The following MYO1H variants were observed in gnomAD, a reference collection of about 807,000 sequenced individuals.
MYO1H encodes the protein unconventional myosin-Ih.
MYO1H carries 118 observed loss-of-function variants against 149.3 expected under a neutral mutation model. That is an observed-to-expected ratio of 0.79 (90% CI 0.68 to 0.92). The LOEUF (loss-of-function observed/expected upper bound fraction) is 0.92, where lower values mean the gene tolerates loss of function less well. MYO1H is among the 40% of genes least tolerant of loss of function. The probability of loss-of-function intolerance (pLI) is 0.00; values close to 1 mark genes in which losing one functional copy is unlikely to be tolerated. For missense variants in MYO1H, 1,212 were observed against 1,280.7 expected (o/e 0.95, Z 0.82); for synonymous variants, 447 against 465.2 (o/e 0.96, Z 0.50).
the MYO1H span, among the ~76,000 whole-genome samples, chr12:109,326,477 C>CT: frequency 2.7e-5 from 4 of 145,946 alleles, no homozygotes; most frequent in Admixed American, 6.8e-5. Flanking sequence ...TAGACTCTAC[C>CT]TTTTTTTTAT....
chr12:109,398,727 G>A (rs1173723299), intron 5 of MYO1H, among the ~76,000 whole-genome samples: 11 of 125,358 alleles, frequency 8.8e-5, no homozygotes, highest in Non-Finnish European at 1.6e-4. Context: ...GGCAACAAGA[G>A]CGAAACTTCC....
At chr12:109,445,674 T>C (rs987573437) in intron 31 of MYO1H, 62 bp downstream of exon 31, 27 of 1,557,286 alleles carry the variant, frequency 1.7e-5, no homozygotes, top group Non-Finnish European at 2.2e-5. Flanking sequence ...GTTAAAGTTC[T>C]ACCAATTTCA....
chr12:109,390,739 C>T (rs1258915617), intron 2 of MYO1H, among the ~76,000 whole-genome samples: 1 of 151,758 alleles, frequency 6.6e-6, no homozygotes, highest in Non-Finnish European at 1.5e-5. Context: ...GATCTTGGCT[C>T]ACTGCAACCT....
intron 1 of MYO1H, among the ~76,000 whole-genome samples, chr12:109,368,517 G>A (rs1412278873): frequency 6.6e-6 from 1 of 152,052 alleles, no homozygotes; most frequent in Non-Finnish European, 1.5e-5. Flanking sequence ...TTAGCCAGGT[G>A]CAGTGGCACA....
chr12:109,341,189 GAAAA>G, the MYO1H span, among the ~76,000 whole-genome samples: 6 of 96,106 alleles, frequency 6.2e-5, no homozygotes, highest in Non-Finnish European at 1.3e-4. Context: ...ACTCCATCTC[GAAAA>G]AAAAAAAAAA....
At chr12:109,318,192 T>A in the MYO1H span, among the ~76,000 whole-genome samples, 1 of 152,306 alleles carries the variant, frequency 6.6e-6, no homozygotes, top group African/African-American at 2.4e-5. Flanking sequence ...AAGAAATATT[T>A]ACATGGAGGA....
the MYO1H span, among the ~76,000 whole-genome samples, chr12:109,329,563 C>T: frequency 2.6e-5 from 4 of 152,256 alleles, no homozygotes; most frequent in Admixed American, 6.5e-5. Context: ...CCTTTTGTTA[C>T]TTCTTATGCT....
the MYO1H span, among the ~76,000 whole-genome samples, chr12:109,342,126 C>CTTTTTTTT: frequency 1.6e-5 from 2 of 126,052 alleles, no homozygotes; most frequent in Non-Finnish European, 1.6e-5. Context: ...AAATTTGATT[C>CTTTTTTTT]TTTTTTTTTT....
chr12:109,428,723 C>T (rs10850135), intron 19 of MYO1H, among the ~76,000 whole-genome samples: 2 of 152,000 alleles, frequency 1.3e-5, no homozygotes, highest in South Asian at 4.1e-4. Flanking sequence ...TTTGCCCATC[C>T]GCTACTTATT....
chr12:109,378,617 C>T (rs562549963), intron 1 of MYO1H, among the ~76,000 whole-genome samples: 2 of 152,324 alleles, frequency 1.3e-5, no homozygotes, highest in South Asian at 2.1e-4. Flanking sequence ...CTGTGCCCGA[C>T]CTGCACCATT....
intron 1 of MYO1H, among the ~76,000 whole-genome samples, chr12:109,352,215 T>C (rs372805934): frequency 3.8e-4 from 58 of 152,310 alleles, no homozygotes; most frequent in African/African-American, 1.3e-3. Context: ...TAAATGACCA[T>C]TGTAGAAAGG....
intron 15 of MYO1H, among the ~76,000 whole-genome samples, chr12:109,418,573 G>C (rs569860745): frequency 6.6e-6 from 1 of 151,572 alleles, no homozygotes; most frequent in African/African-American, 2.4e-5. Flanking sequence ...TTTTTTAGAC[G>C]GAGTCTCGCC....
At chr12:109,398,700 C>T (rs1045608640) in intron 5 of MYO1H, among the ~76,000 whole-genome samples, 1 of 141,310 alleles carries the variant, frequency 7.1e-6, no homozygotes, top group African/African-American at 2.6e-5. Context: ...CAGTTGGCAC[C>T]ACTGCACTCC....
intron 29 of MYO1H, 50 bp downstream of exon 29, chr12:109,444,333 C>T (rs776665413): frequency 2.5e-6 from 4 of 1,581,868 alleles, no homozygotes; most frequent in Non-Finnish European, 1.7e-6. Flanking sequence ...AATACACTGC[C>T]AAAATGTTAA....
the MYO1H span, among the ~76,000 whole-genome samples, chr12:109,318,959 C>CATTTTTTTT: frequency 1.5e-4 from 3 of 20,462 alleles, no homozygotes; most frequent in African/African-American, 5.9e-4. Flanking sequence ...GAACTCTCTG[C>CATTTTTTTT]GTTTTTGGTT....
intron 1 of MYO1H, among the ~76,000 whole-genome samples, chr12:109,386,719 T>C (rs1201540714): frequency 6.6e-6 from 1 of 152,220 alleles, no homozygotes; most frequent in African/African-American, 2.4e-5. Flanking sequence ...GTAGGTGTCT[T>C]TTATTCTGGA....
At chr12:109,322,932 C>T in the MYO1H span, among the ~76,000 whole-genome samples, 30 of 151,420 alleles carry the variant, frequency 2.0e-4, no homozygotes, top group African/African-American at 7.3e-4. Context: ...CATGGTGAAA[C>T]CCCATCTCTA....
chr12:109,393,046 G>T (rs1869726045), intron 2 of MYO1H, among the ~76,000 whole-genome samples: 1 of 151,922 alleles, frequency 6.6e-6, no homozygotes, highest in African/African-American at 2.4e-5. Flanking sequence ...CCTGACCTGT[G>T]ATCCACCCGC....
intron 7 of MYO1H, among the ~76,000 whole-genome samples, chr12:109,405,675 T>A (rs997970969): frequency 6.6e-6 from 1 of 152,246 alleles, no homozygotes; most frequent in Non-Finnish European, 1.5e-5. Context: ...TGTTGTTATA[T>A]GAAAATAAAG....
Sources: gnomAD v4.1 joint callset for allele counts (sites outside exome capture counted in the v4.1 genomes callset) on GRCh38, gnomAD v4.1.1 for gene constraint, MANE v1.5 for transcripts, NCBI Gene and HGNC (gene_info 2026-07-23, HGNC 2026-07-21) for gene names.